Variants in CACNA1I observed in about 807,000 individuals in gnomAD.
CACNA1I encodes the protein voltage-dependent T-type calcium channel subunit alpha-1I.
Under a neutral mutation model 201.6 loss-of-function variants are expected in CACNA1I, and 74 were observed. The observed-to-expected ratio is 0.37, with a 90% CI of 0.30 to 0.45. The LOEUF (loss-of-function observed/expected upper bound fraction) is 0.45. Among genes scored for constraint, CACNA1I ranks in the 20% least tolerant of loss-of-function variants. The pLI, the probability that CACNA1I is intolerant of heterozygous loss-of-function variation, is 1.00. For missense variants in CACNA1I, 2,346 were observed against 3,138.1 expected (o/e 0.75, Z 6.03); for synonymous variants, 1,431 against 1,345.2 (o/e 1.06, Z -1.40).
At position 39,658,391 on chromosome 22, in the gene CACNA1I, A is replaced by G. The variant is rs1054557775; in HGVS notation, c.2144+88A>G. On this transcript the variant is annotated intron_variant, in intron 11 of 36. Transcript: ENST00000402142. ...CCAGCCAGCATATAAAGGACATAAG[A>G]TGGCTGTGGAAACCCGTTGCACTGA... 4.8e-6 allele frequency: 6 copies of G among 1,261,070 alleles called. No individual in the cohort carries two copies. In the African/African-American group the frequency reaches 5.9e-5, roughly 12 times the overall value. 78.1% of individuals were successfully genotyped at this position (1,261,070 alleles called of 1,614,324 possible).
Position 39,685,803 on chromosome 22 carries a change from T to C in CACNA1I, c.6070T>C (p.Ser2024Pro). 1 of 1,495,666 alleles carries C rather than the reference T, an allele frequency of 6.7e-7. No homozygotes were observed. The highest frequency in any genetic ancestry group is 2.9e-5 in the East Asian group (1 of 34,784). 92.6% of individuals were successfully genotyped at this position (1,495,666 alleles called of 1,614,324 possible). A position where few individuals can be genotyped will look rare whatever the true frequency, so the allele number is the denominator to read the frequency against. The part of the protein sequence containing the change: ...DTSLDASPSS[S>P]AGSLQTTLED... Reference sequence around the variant, plus strand: ...GTCGCTGGACGCCAGCCCCAGCAGCTCCGCGGGCAGCCTGCAGACCACGCT... The same window carrying C: ...GTCGCTGGACGCCAGCCCCAGCAGCCCCGCGGGCAGCCTGCAGACCACGCT... The change falls in exon 37 of 37, where the codon TCC (serine) becomes CCC (proline). Residue 2024 changes from serine (S) to proline (P), a missense_variant. This residue lies in a region of CACNA1I where 441 missense variants were observed against 555.6 expected (regional missense o/e 0.79). Transcript: ENST00000402142. This position sits in a 1 kb window ranked among gnomAD's most constrained non-coding sequence, Gnocchi z 5.0.
At chr22:39,673,496 C>T (rs565428940) in intron 28 of CACNA1I, among the ~76,000 whole-genome samples, 148 of 152,350 alleles carry the variant, frequency 9.7e-4, no homozygotes, top group Admixed American at 1.8e-3. Context: ...CCTTCTCCCT[C>T]CCCTCAAGGT....
chr22:39,678,435 A>G (rs905299660), intron 31 of CACNA1I, among the ~76,000 whole-genome samples: 3 of 152,106 alleles, frequency 2.0e-5, no homozygotes, highest in Non-Finnish European at 4.4e-5. Context: ...AGTGATTTCC[A>G]CGCTGACCAG....
rs2146419903 is a variant in CACNA1I at position 39,641,131 on chromosome 22, G to T, written c.1005G>T (p.Lys335Asn). The T allele has an allele frequency of 6.2e-7, 1 of 1,614,016 alleles. No homozygotes were observed. Among genetic ancestry groups the T allele is most frequent in the Non-Finnish European group, 8.5e-7 (1 of 1,179,878 alleles). Residue 335 changes from lysine to asparagine, a missense_variant, in exon 6 of 37, where the codon AAG (lysine) becomes AAT (asparagine). This residue lies in a region of CACNA1I where 227 missense variants were observed against 412.5 expected (regional missense o/e 0.55). Coordinates refer to ENST00000402142, the MANE Select transcript of CACNA1I (RefSeq NM_021096.4). ...GCACGGGCAGCGCCAACCCCCACAA[G>T]GGTGCCATCAACTTTGACAACATCG... ...VCRTGSANPH[K>N]GAINFDNIGY...
intron 5 of CACNA1I, among the ~76,000 whole-genome samples, chr22:39,638,076 G>T (rs1217013233): frequency 2.0e-5 from 3 of 152,152 alleles, no homozygotes; most frequent in African/African-American, 7.2e-5. Context: ...TGGGATTACA[G>T]ACGCATGCCA....
chr22:39,593,252 G>A (rs1286418175), intron 1 of CACNA1I, among the ~76,000 whole-genome samples: 2 of 152,250 alleles, frequency 1.3e-5, no homozygotes, highest in African/African-American at 2.4e-5. Flanking sequence ...CCTTGTGTGA[G>A]TGGTGTCAGC....
At chr22:39,614,094 T>A (rs1933462072) in intron 3 of CACNA1I, among the ~76,000 whole-genome samples, 1 of 152,178 alleles carries the variant, frequency 6.6e-6, no homozygotes, top group Admixed American at 6.5e-5. Flanking sequence ...GTGATCCACC[T>A]GCCTTGGCCT....
rs1183529251 is a variant in CACNA1I at position 39,666,668 on chromosome 22, A to T, written c.4104+662A>T. On this transcript the variant is annotated intron_variant, in intron 23 of 36. Coordinates refer to ENST00000402142, the MANE Select transcript of CACNA1I (RefSeq NM_021096.4). The surrounding 1 kb of genome is among the most constrained non-coding windows in gnomAD (Gnocchi z 4.1). ...TGCCCAGGAGGCCAGGTATGTCCAGACGTAGGCGTGCCTTGCCCCAGGGCA... is the reference window on the plus strand; with the variant it reads ...TGCCCAGGAGGCCAGGTATGTCCAGTCGTAGGCGTGCCTTGCCCCAGGGCA... Among the ~76,000 whole-genome samples, 1 of 152,152 alleles carries T rather than the reference A, an allele frequency of 6.6e-6. No individual in the cohort carries two copies. The highest frequency in any genetic ancestry group is 1.9e-4 in the East Asian group (1 of 5,180).
intron 2 of CACNA1I, 34 bp downstream of exon 2, chr22:39,598,296 C>CCCCCCCCCCCCCCCA: frequency 7.8e-7 from 1 of 1,284,904 alleles, no homozygotes; most frequent in Non-Finnish European, 1.1e-6. Flanking sequence ...CCCGCCCTGC[C>CCCCCCCCCCCCCCCA]CTCATCCTCC....
intron 4 of CACNA1I, among the ~76,000 whole-genome samples, chr22:39,625,625 C>G (rs1933878447): frequency 6.6e-6 from 1 of 152,176 alleles, no homozygotes; most frequent in Non-Finnish European, 1.5e-5. Context: ...TCTCTCCACC[C>G]CACCCCTGCA....
At chr22:39,639,375 A>G (rs1366821606) in intron 5 of CACNA1I, among the ~76,000 whole-genome samples, 1 of 152,202 alleles carries the variant, frequency 6.6e-6, no homozygotes, top group Non-Finnish European at 1.5e-5. Flanking sequence ...TTTCCTTTAC[A>G]AAACTTGGAT....
intron 32 of CACNA1I, 77 bp downstream of exon 32, chr22:39,679,522 A>T: frequency 8.6e-7 from 1 of 1,157,900 alleles, no homozygotes; most frequent in Non-Finnish European, 1.2e-6. Context: ...AGGGCCAGGG[A>T]GGCCTTGCAC....
chr22:39,645,041 C>T (rs1225036063), intron 7 of CACNA1I, among the ~76,000 whole-genome samples: 1 of 151,768 alleles, frequency 6.6e-6, no homozygotes, highest in Non-Finnish European at 1.5e-5. Flanking sequence ...GCCTGGAGTG[C>T]AATGGCCTGA....
chr22:39,623,122 C>T (rs1047609139), intron 4 of CACNA1I, among the ~76,000 whole-genome samples: 18 of 152,298 alleles, frequency 1.2e-4, no homozygotes, highest in African/African-American at 3.6e-4. Context: ...GGGACACGGG[C>T]GGAGGCCTCG....
chr22:39,622,272 C>T (rs1191614234), intron 4 of CACNA1I, among the ~76,000 whole-genome samples: 1 of 151,860 alleles, frequency 6.6e-6, no homozygotes, highest in Non-Finnish European at 1.5e-5. Context: ...TGCTCCTGTG[C>T]CGGGCATGAG....
chr22:39,635,189 G>A (rs576902823), intron 5 of CACNA1I, among the ~76,000 whole-genome samples: 1 of 152,360 alleles, frequency 6.6e-6, no homozygotes, highest in East Asian at 1.9e-4. Flanking sequence ...GCGTGTATGT[G>A]TTTGGATGTG....
intron 32 of CACNA1I, 87 bp from the exon 33 acceptor site, chr22:39,679,635 G>T: frequency 7.5e-7 from 1 of 1,330,300 alleles, no homozygotes. Flanking sequence ...AGAACCAACC[G>T]GGAGGGCAGC....
chr22:39,664,635 G>T, intron 20 of CACNA1I, 104 bp from the exon 21 acceptor site: 1 of 225,698 alleles, frequency 4.4e-6, no homozygotes, highest in Non-Finnish European at 8.5e-6. Flanking sequence ...CCTCCCCGAA[G>T]CCGATCAGGC....
chr22:39,670,786 C>G lies in CACNA1I; in HGVS notation c.4388-17C>G. 6.2e-7 allele frequency: 1 copy of G among 1,613,748 alleles called. No individual in the cohort carries two copies. The highest frequency in any genetic ancestry group is 8.5e-7 in the Non-Finnish European group (1 of 1,179,752). On this transcript the variant is annotated splice_polypyrimidine_tract_variant and intron_variant, in intron 25 of 36. Transcript: ENST00000402142. ...AACCCTCTGTGGTCTTTGCCACTCC[C>G]CCTGCACCACCTGCAGAGGCCCAGC...
Sources: gnomAD v4.1 joint callset for allele counts (sites outside exome capture counted in the v4.1 genomes callset) on GRCh38, gnomAD v4.1.1 for gene constraint, gnomAD v4.1.1 regional missense constraint, Gnocchi (gnomAD v3.1) non-coding constraint, MANE v1.5 for transcripts, NCBI Gene and HGNC (gene_info 2026-07-23, HGNC 2026-07-21) for gene names.